Variants in TNFRSF21 observed in about 807,000 individuals in gnomAD.
The protein encoded by TNFRSF21 is tumor necrosis factor receptor superfamily member 21.
A neutral mutation model predicts 45.6 loss-of-function variants in TNFRSF21; 19 were observed. The ratio of observed to expected loss-of-function variants is 0.42; its 90% CI spans 0.29 to 0.61. The LOEUF (loss-of-function observed/expected upper bound fraction) is 0.61, where lower values mean the gene tolerates loss of function less well. Ranked by LOEUF, TNFRSF21 falls within the 20% of genes least tolerant of loss-of-function variation. TNFRSF21 has a pLI of 0.23. For missense variants in TNFRSF21, 737 were observed against 851.5 expected (o/e 0.87, Z 1.67); for synonymous variants, 314 against 335.5 (o/e 0.94, Z 0.70).
chr6:47,289,465 C>G (rs921130947), intron 1 of TNFRSF21, among the ~76,000 whole-genome samples: 3 of 151,884 alleles, frequency 2.0e-5, no homozygotes, highest in African/African-American at 7.3e-5. Context: ...AGACCCTCCC[C>G]CAACAAAAAA....
chr6:47,266,617 G>T (rs1030139312), intron 3 of TNFRSF21, among the ~76,000 whole-genome samples: 1 of 152,130 alleles, frequency 6.6e-6, no homozygotes, highest in Admixed American at 6.5e-5. Flanking sequence ...GGACATCAAA[G>T]TTATGCTAAT....
chr6:47,251,215 C>T (rs974088502), intron 4 of TNFRSF21, among the ~76,000 whole-genome samples: 3 of 152,116 alleles, frequency 2.0e-5, no homozygotes, highest in South Asian at 4.2e-4. Flanking sequence ...GGATCCAAAA[C>T]GCTGCTAGAC....
At chr6:47,277,846 G>C (rs1467787889) in intron 3 of TNFRSF21, among the ~76,000 whole-genome samples, 3 of 152,090 alleles carry the variant, frequency 2.0e-5, no homozygotes, top group Admixed American at 6.5e-5. Flanking sequence ...TTACCCAAAA[G>C]CTTCATCTCC....
intron 1 of TNFRSF21, among the ~76,000 whole-genome samples, chr6:47,302,934 T>C (rs1049549410): frequency 1.3e-5 from 2 of 152,202 alleles, no homozygotes; most frequent in Non-Finnish European, 2.9e-5. Flanking sequence ...CCTCAAAGAC[T>C]TGTCACATGT....
At chr6:47,235,013 C>T (rs1026481744) in intron 4 of TNFRSF21, 115 bp from the exon 5 acceptor site, 1 of 534,204 alleles carries the variant, frequency 1.9e-6, no homozygotes, top group Non-Finnish European at 3.0e-6. Flanking sequence ...ATACATCCTC[C>T]CACTTCAGTT....
intron 1 of TNFRSF21, among the ~76,000 whole-genome samples, chr6:47,291,553 G>A (rs953636772): frequency 6.6e-6 from 1 of 152,142 alleles, no homozygotes; most frequent in Non-Finnish European, 1.5e-5. Flanking sequence ...AGGGGAAAGA[G>A]GAAGAAATCA....
At chr6:47,271,885 A>G (rs1451466552) in intron 3 of TNFRSF21, among the ~76,000 whole-genome samples, 1 of 152,200 alleles carries the variant, frequency 6.6e-6, no homozygotes, top group Non-Finnish European at 1.5e-5. Flanking sequence ...GATAAAACAG[A>G]CTTTAAACCA....
At chr6:47,266,291 G>A (rs1762332137) in intron 3 of TNFRSF21, among the ~76,000 whole-genome samples, 2 of 152,154 alleles carry the variant, frequency 1.3e-5, no homozygotes, top group Admixed American at 6.5e-5. Flanking sequence ...ATCACACTTG[G>A]GGAAGGAAGG....
Position 47,286,301 on chromosome 6 carries a change from A to C in TNFRSF21, c.391T>G (p.Cys131Gly). 1 of 1,614,186 alleles carries C rather than the reference A, an allele frequency of 6.2e-7. No homozygotes were observed. The highest frequency in any genetic ancestry group is 2.2e-5 in the East Asian group (1 of 44,886). Residue 131 changes from cysteine to glycine, a missense_variant, in exon 2 of 6, where the codon TGC becomes GGC. Physicochemically the swap from Cys to Gly is radical, Grantham distance 159. Coordinates refer to ENST00000296861, the MANE Select transcript of TNFRSF21 (RefSeq NM_014452.5). ...TGGAACATGCCAGGTGGGCAAGTGC[A>C]TTCTCGGTCAGTCAAGGCAGCACAA... ...LPCAALTDRE[C>G]TCPPGMFQSN...
chr6:47,305,184 G>GTTTATATACCATATA, intron 1 of TNFRSF21, among the ~76,000 whole-genome samples: 1 of 152,224 alleles, frequency 6.6e-6, no homozygotes, highest in South Asian at 2.1e-4. Context: ...ACTGGTGATG[G>GTTTATATACCATATA]CCATGCTCAT....
chr6:47,291,824 A>G (rs188027962), intron 1 of TNFRSF21, among the ~76,000 whole-genome samples: 2 of 152,284 alleles, frequency 1.3e-5, no homozygotes, highest in East Asian at 1.9e-4. Flanking sequence ...AGTTAACCCA[A>G]TCTGTGCTAC....
At chr6:47,278,809 C>A (rs945713646) in intron 3 of TNFRSF21, among the ~76,000 whole-genome samples, 1 of 152,144 alleles carries the variant, frequency 6.6e-6, no homozygotes, top group Non-Finnish European at 1.5e-5. Context: ...AATGCCTGCC[C>A]CAACTGATTT....
At chr6:47,258,452 C>T (rs550762335) in intron 3 of TNFRSF21, among the ~76,000 whole-genome samples, 6 of 149,012 alleles carry the variant, frequency 4.0e-5, no homozygotes, top group African/African-American at 1.5e-4. Context: ...AACTTTTGCA[C>T]CACCTAATAG....
chr6:47,253,361 G>C lies in TNFRSF21; in HGVS notation c.1404C>G (p.Ile468Met). 4 of 1,614,098 alleles carry C rather than the reference G, an allele frequency of 2.5e-6. No homozygotes were observed. Among genetic ancestry groups the C allele is most frequent in the Non-Finnish European group, 3.4e-6 (4 of 1,180,016 alleles). ...RAYAALQHWT[I>M]RGPEASLAQL... Reference sequence around the variant, plus strand: ...GGGCGAGGCTGGCCTCGGGGCCCCGGATGGTCCAGTGCTGCAGAGCTGCGT... The same window carrying C: ...GGGCGAGGCTGGCCTCGGGGCCCCGCATGGTCCAGTGCTGCAGAGCTGCGT... The change falls in exon 4 of 6, where the codon ATC becomes ATG. Residue 468 changes from isoleucine (I) to methionine (M), a missense_variant. Coordinates refer to ENST00000296861, the MANE Select transcript of TNFRSF21 (RefSeq NM_014452.5).
At position 47,246,465 on chromosome 6, in the gene TNFRSF21, T is replaced by G. The variant is rs184568813; in HGVS notation, c.1509+6791A>C. ...ATAGGACTTGCCCAAGGTCACATAGTGAGTGGCAAAAGCAAAATTCAAACC... is the reference window on the plus strand; with the variant it reads ...ATAGGACTTGCCCAAGGTCACATAGGGAGTGGCAAAAGCAAAATTCAAACC... On this transcript the variant is annotated intron_variant, in intron 4 of 5. Transcript: ENST00000296861. 2.6e-5 allele frequency among the ~76,000 whole-genome samples: 4 copies of G among 152,260 alleles called. No individual in the cohort carries two copies. In the East Asian group the frequency reaches 7.7e-4, roughly 29 times the overall value.
At chr6:47,286,733 G>C (rs922343635) in intron 1 of TNFRSF21, 138 bp from the exon 2 acceptor site, 1 of 891,234 alleles carries the variant, frequency 1.1e-6, no homozygotes. Flanking sequence ...GCATCCTCTT[G>C]ACAGCATGCT....
intron 3 of TNFRSF21, among the ~76,000 whole-genome samples, chr6:47,254,220 C>G (rs1274796785): frequency 6.6e-6 from 1 of 152,144 alleles, no homozygotes; most frequent in Admixed American, 6.5e-5. Context: ...TACTAAGTGA[C>G]TCACAGGCAG....
intron 3 of TNFRSF21, among the ~76,000 whole-genome samples, chr6:47,263,556 G>A (rs574043875): frequency 6.6e-6 from 1 of 152,266 alleles, no homozygotes; most frequent in South Asian, 2.1e-4. Context: ...CAAGATGGAG[G>A]AGGAAAACCA....
At chr6:47,286,710 T>G (rs556764609) in intron 1 of TNFRSF21, 115 bp from the exon 2 acceptor site, 2 of 1,171,152 alleles carry the variant, frequency 1.7e-6, no homozygotes, top group African/African-American at 3.1e-5. Context: ...CTGTTAAAGA[T>G]CCGACCAGGA....
Sources: allele counts gnomAD v4.1 joint callset (sites outside exome capture counted in the v4.1 genomes callset), GRCh38; gene constraint gnomAD v4.1.1; transcripts MANE v1.5; gene names NCBI Gene and HGNC (gene_info 2026-07-23, HGNC 2026-07-21).